Variants in RNF157 observed in about 807,000 individuals in gnomAD.
RNF157 encodes ring finger protein 157, also known as E3 ubiquitin ligase RNF157.
RNF157 carries 55 observed loss-of-function variants against 88.3 expected under a neutral mutation model. That is an observed-to-expected ratio of 0.62 (90% CI 0.50 to 0.78). The LOEUF is 0.78. RNF157 is among the 30% of genes least tolerant of loss of function. The pLI is 0.00. For synonymous variants in RNF157, 334 were observed against 341.2 expected, an observed-to-expected ratio of 0.98 and a Z score of 0.23; for missense variants, 788 against 860.8, an observed-to-expected ratio of 0.92 and a Z score of 1.06.
intron 1 of RNF157, among the ~76,000 whole-genome samples, chr17:76,236,537 C>T (rs1447254994): frequency 1.3e-5 from 2 of 152,286 alleles, no homozygotes; most frequent in South Asian, 2.1e-4. Flanking sequence ...TACAGTAGAA[C>T]CGTGCTCTAA....
intron 1 of RNF157, among the ~76,000 whole-genome samples, chr17:76,230,169 T>C (rs958668400): frequency 3.3e-5 from 5 of 152,222 alleles, no homozygotes; most frequent in African/African-American, 1.2e-4. Flanking sequence ...TGTGAGTCCT[T>C]TGGCAATCCA....
At chr17:76,171,899 C>A (rs1009142638) in intron 3 of RNF157, among the ~76,000 whole-genome samples, 3 of 152,234 alleles carry the variant, frequency 2.0e-5, no homozygotes, top group Non-Finnish European at 4.4e-5. Flanking sequence ...TATGACCTCA[C>A]AGCAGCTCAG....
chr17:76,186,972 T>C (rs1027980991), intron 2 of RNF157, among the ~76,000 whole-genome samples: 3 of 149,766 alleles, frequency 2.0e-5, no homozygotes, highest in Non-Finnish European at 4.4e-5. Context: ...AATAAATAAA[T>C]AAATAAATAA....
chr17:76,205,067 G>A (rs573590063), intron 2 of RNF157, among the ~76,000 whole-genome samples: 3 of 151,262 alleles, frequency 2.0e-5, no homozygotes, highest in South Asian at 2.1e-4. Context: ...GATTAGAGGC[G>A]TGAGCCACCA....
At chr17:76,177,248 C>T (rs765074952) in intron 2 of RNF157, among the ~76,000 whole-genome samples, 1 of 152,032 alleles carries the variant, frequency 6.6e-6, no homozygotes, top group African/African-American at 2.4e-5. Flanking sequence ...GCAGCAGCCC[C>T]GCCTTGGGCT....
In RNF157 at chr17:76,142,620, C is replaced by T. The variant is rs2068531787; in HGVS notation, c.*2615G>A. 6.6e-6 allele frequency: 1 copy of T among 152,386 alleles called. No individual in the cohort carries two copies. 9.4% of individuals were successfully genotyped at this position (152,386 alleles called of 1,614,324 possible). A position where few individuals can be genotyped will look rare whatever the true frequency, so the allele number is the denominator to read the frequency against. ...GGCACAAGCAGTATACACATGCACA[C>T]ACCAGGTGTGCAGACCAAAGCAAAG... On this transcript the variant is annotated 3_prime_UTR_variant, in exon 19 of 19. Transcript: ENST00000269391.
chr17:76,156,468 C>T (rs527241382), intron 13 of RNF157, 147 bp from the exon 14 acceptor site: 150 of 1,450,316 alleles, frequency 1.0e-4, no homozygotes, highest in Admixed American at 1.6e-4. Flanking sequence ...GCCGCAGCTT[C>T]TCTCTTCCGT....
intron 2 of RNF157, among the ~76,000 whole-genome samples, chr17:76,210,588 C>CAAAAAAAAAAAAAAAAAAA (rs71161274): frequency 1.7e-4 from 9 of 53,470 alleles, no homozygotes; most frequent in Admixed American, 2.4e-4. Flanking sequence ...AGACTCCGTC[C>CAAAAAAAAAAAAAAAAAAA]AAAAAAAAAA....
At chr17:76,150,638 A>C (rs978210665) in intron 18 of RNF157, among the ~76,000 whole-genome samples, 7 of 152,058 alleles carry the variant, frequency 4.6e-5, no homozygotes, top group Non-Finnish European at 8.8e-5. Flanking sequence ...CATCATCTTC[A>C]CCCAACTACT....
At chr17:76,229,161 T>A (rs2070145799) in intron 1 of RNF157, among the ~76,000 whole-genome samples, 1 of 152,194 alleles carries the variant, frequency 6.6e-6, no homozygotes, top group South Asian at 2.1e-4. Context: ...CTCAAAACCC[T>A]GGATAGTTTG....
chr17:76,167,648 T>G lies in RNF157; in HGVS notation c.443+3A>C. The G allele has an allele frequency of 6.2e-7, 1 of 1,614,082 alleles. No homozygotes were observed. Among genetic ancestry groups the G allele is most frequent in the South Asian group, 1.1e-5 (1 of 91,064 alleles). On this transcript the variant is annotated splice_donor_region_variant and intron_variant, in intron 4 of 18. Coordinates refer to ENST00000269391, the MANE Select transcript of RNF157 (RefSeq NM_052916.3). ...AGTGGCTCTCCTGGTCTCCTGATCT[T>G]ACCTGGCAATACCATTCTGGAACTC...
At chr17:76,211,289 G>C (rs1160773033) in intron 2 of RNF157, among the ~76,000 whole-genome samples, 2 of 152,214 alleles carry the variant, frequency 1.3e-5, no homozygotes, top group Non-Finnish European at 2.9e-5. Flanking sequence ...CTCCTGGAAA[G>C]GCCTCATCCA....
chr17:76,232,634 T>C (rs2070213100), intron 1 of RNF157, among the ~76,000 whole-genome samples: 1 of 152,234 alleles, frequency 6.6e-6, no homozygotes, highest in East Asian at 1.9e-4. Context: ...TGCTGAATCA[T>C]AAGGCAAATT....
At chr17:76,166,147 G>GT (rs1277937699) in intron 6 of RNF157, among the ~76,000 whole-genome samples, 1 of 152,106 alleles carries the variant, frequency 6.6e-6, no homozygotes, top group Non-Finnish European at 1.5e-5. Flanking sequence ...GCTGATTTTT[G>GT]TATTTTTAGT....
rs143602618 is a variant in RNF157 at position 76,220,492 on chromosome 17, T to G, written c.89-8010A>C. On this transcript the variant is annotated intron_variant, in intron 1 of 18. Coordinates refer to ENST00000269391, the MANE Select transcript of RNF157 (RefSeq NM_052916.3). ...AAGCCTCAAGCATTTATCTTGCCTTTCCTACATGAACTGTACCTCTGGGTG... is the reference window on the plus strand; with the variant it reads ...AAGCCTCAAGCATTTATCTTGCCTTGCCTACATGAACTGTACCTCTGGGTG... 1.0e-2 allele frequency among the ~76,000 whole-genome samples: 1,518 copies of G among 152,090 alleles called. 12 individuals are homozygous for G. The highest frequency in any genetic ancestry group is 0.016 in the Non-Finnish European group (1,087 of 67,970).
chr17:76,158,474 C>A lies in RNF157; in HGVS notation c.1332G>T (p.Leu444=), dbSNP rs1382591639. 5 of 1,613,608 alleles carry A rather than the reference C, an allele frequency of 3.1e-6. No homozygotes were observed. In the South Asian group the frequency reaches 4.4e-5, roughly 14 times the overall value. Residue 444 remains leucine, a synonymous_variant, in exon 13 of 19, where the codon CTG becomes CTT. Coordinates refer to ENST00000269391, the MANE Select transcript of RNF157 (RefSeq NM_052916.3). ...AGGAATGCTCATCTTCCTCTTCATG[C>A]AGCACGGAAGAGTTTTGGGAAGTGG... The part of the protein sequence containing the change: ...SKSTSQNSSV[L]HEEEDEHSCS...
At chr17:76,205,186 T>C (rs1010184059) in intron 2 of RNF157, among the ~76,000 whole-genome samples, 1 of 151,246 alleles carries the variant, frequency 6.6e-6, no homozygotes, top group Non-Finnish European at 1.5e-5. Flanking sequence ...TAGCCCAGGC[T>C]AGAGTGCAGT....
At chr17:76,174,934 T>A (rs1420784147) in intron 2 of RNF157, among the ~76,000 whole-genome samples, 1 of 152,232 alleles carries the variant, frequency 6.6e-6, no homozygotes, top group African/African-American at 2.4e-5. Flanking sequence ...TACATTCTTT[T>A]AAAAATGATA....
chr17:76,167,096 C>T lies in RNF157; in HGVS notation c.474G>A (p.Ser158=), dbSNP rs376234733. The part of the protein sequence containing the change: ...SYIPKDNSLQ[S]ETVQYKRGVC... Reference sequence around the variant, plus strand: ...CTCCTCGCTTGTACTGCACAGTCTCCGACTGGAGGCTGTTGTCTTTGGGAA... The same window carrying T: ...CTCCTCGCTTGTACTGCACAGTCTCTGACTGGAGGCTGTTGTCTTTGGGAA... Residue 158 remains serine, a synonymous_variant, in exon 5 of 19, where the codon TCG becomes TCA. Coordinates refer to ENST00000269391, the MANE Select transcript of RNF157 (RefSeq NM_052916.3). 122 of 1,612,822 alleles carry T rather than the reference C, an allele frequency of 7.6e-5. No homozygotes were observed. Among genetic ancestry groups the T allele is most frequent in the African/African-American group, 1.1e-4 (8 of 74,842 alleles).
Sources: allele counts gnomAD v4.1 joint callset (sites outside exome capture counted in the v4.1 genomes callset), GRCh38; gene constraint gnomAD v4.1.1; transcripts MANE v1.5; gene names NCBI Gene and HGNC (gene_info 2026-07-23, HGNC 2026-07-21).